Variants in ADK observed in about 807,000 individuals in gnomAD.
The protein encoded by ADK is N6,N6-dimethyladenosine kinase.
A neutral mutation model predicts 44.7 loss-of-function variants in ADK; 24 were observed. That is an observed-to-expected ratio of 0.54 (90% CI 0.39 to 0.76). The LOEUF (loss-of-function observed/expected upper bound fraction) is 0.76. ADK is among the 30% of genes least tolerant of loss of function. The probability of loss-of-function intolerance (pLI) is 0.00; values close to 1 mark genes in which losing one functional copy is unlikely to be tolerated. For synonymous variants in ADK, 128 were observed against 142.6 expected (o/e 0.90, Z 0.73); for missense variants, 321 against 425.1 (o/e 0.76, Z 2.15).
At chr10:74,588,412 T>A (rs1851600120) in intron 7 of ADK, among the ~76,000 whole-genome samples, 1 of 152,204 alleles carries the variant, frequency 6.6e-6, no homozygotes, top group East Asian at 1.9e-4. Context: ...TACATTGACT[T>A]GTTAAAAACA....
chr10:74,625,513 T>G (rs1853160453), intron 9 of ADK, among the ~76,000 whole-genome samples: 1 of 152,176 alleles, frequency 6.6e-6, no homozygotes, highest in Non-Finnish European at 1.5e-5. Flanking sequence ...CAGTTTACCG[T>G]AATTCCATAA....
chr10:74,673,321 T>A (rs1855251285), intron 10 of ADK, among the ~76,000 whole-genome samples: 1 of 152,162 alleles, frequency 6.6e-6, no homozygotes, highest in East Asian at 1.9e-4. Flanking sequence ...ATAAGAGAGT[T>A]ATATGAATCA....
At chr10:74,171,425 T>G (rs1295043082) in intron 1 of ADK, among the ~76,000 whole-genome samples, 1 of 152,234 alleles carries the variant, frequency 6.6e-6, no homozygotes, top group African/African-American at 2.4e-5. Flanking sequence ...ATTTTGGGGC[T>G]TGAAGCATTT....
intron 6 of ADK, among the ~76,000 whole-genome samples, chr10:74,420,428 A>G (rs777799817): frequency 3.3e-5 from 5 of 152,184 alleles, no homozygotes; most frequent in Non-Finnish European, 5.9e-5. Flanking sequence ...TAATTAATGT[A>G]GCAAAATGAA....
intron 4 of ADK, among the ~76,000 whole-genome samples, chr10:74,343,355 A>G (rs543710233): frequency 2.0e-5 from 3 of 152,308 alleles, no homozygotes; most frequent in South Asian, 2.1e-4. Flanking sequence ...CATATTTTAT[A>G]TATGTATCAT....
chr10:74,612,181 C>T (rs1409058656), intron 9 of ADK, among the ~76,000 whole-genome samples: 1 of 152,022 alleles, frequency 6.6e-6, no homozygotes, highest in Non-Finnish European at 1.5e-5. Context: ...ATTATGATAT[C>T]TCATTGTGGT....
In ADK at chr10:74,388,684, GA is replaced by G. The variant is rs1488913334; in HGVS notation, c.274-5456del. The stretch of plus-strand genomic sequence containing the variant: ...TTTGAAAATTTATAGAAATACATTA[GA>G]TTTTTATATATTGATCTTAAAGTCT... On this transcript the variant is annotated intron_variant, in intron 4 of 10. Transcript: ENST00000539909. Among the ~76,000 whole-genome samples, 6 of 152,104 alleles carry G rather than the reference GA, an allele frequency of 3.9e-5. No homozygotes were observed. The South Asian group carries it at 1.2e-3, about 32-fold the overall frequency.
chr10:74,190,981 C>CTTTTTTTT (rs61491732), intron 1 of ADK, among the ~76,000 whole-genome samples: 1 of 134,964 alleles, frequency 7.4e-6, no homozygotes. Context: ...CTATTTTTGA[C>CTTTTTTTT]TTTTTTTTTT....
chr10:74,162,001 GCCTCTTAACCC>G (rs1179181967), intron 1 of ADK, among the ~76,000 whole-genome samples: 1 of 152,020 alleles, frequency 6.6e-6, no homozygotes, highest in Non-Finnish European at 1.5e-5. Flanking sequence ...TGCATGCCTG[GCCTCTTAACCC>G]TTTAAAGATT....
chr10:74,323,689 G>A (rs1379684915), intron 4 of ADK, among the ~76,000 whole-genome samples: 1 of 151,182 alleles, frequency 6.6e-6, no homozygotes, highest in East Asian at 2.0e-4. Context: ...TCCTGCCTCA[G>A]CCTCCCGAGT....
rs112094895 is a variant in ADK at position 74,302,221 on chromosome 10, C to T, written c.195-12446C>T. On this transcript the variant is annotated intron_variant, in intron 3 of 10. Coordinates refer to ENST00000539909, the MANE Select transcript of ADK (RefSeq NM_006721.4). ...TTGGCTCGCTGCAACCCCTACCTCC[C>T]GGGTTCAAGCGATTCTTCCACCTCA... is the stretch of plus-strand genomic sequence containing the variant. 5.3e-3 allele frequency among the ~76,000 whole-genome samples: 779 copies of T among 146,884 alleles called. 13 individuals are homozygous for T. The highest frequency in any genetic ancestry group is 0.018 in the African/African-American group (693 of 39,316).
At chr10:74,176,267 C>T (rs1842334240) in intron 1 of ADK, among the ~76,000 whole-genome samples, 1 of 152,174 alleles carries the variant, frequency 6.6e-6, no homozygotes, top group South Asian at 2.1e-4. Flanking sequence ...GGAATTAGTA[C>T]GTCGTGCTGC....
intron 9 of ADK, among the ~76,000 whole-genome samples, chr10:74,614,045 T>C (rs1334711674): frequency 4.6e-5 from 7 of 152,168 alleles, no homozygotes; most frequent in Admixed American, 4.6e-4. Context: ...TCATGGTCCA[T>C]TTTTAGATTA....
At chr10:74,686,492 C>T (rs1402749336) in intron 10 of ADK, among the ~76,000 whole-genome samples, 1 of 152,154 alleles carries the variant, frequency 6.6e-6, no homozygotes, top group African/African-American at 2.4e-5. Context: ...TCTGGCTTAC[C>T]CTTCCACCCT....
chr10:74,256,186 G>T (rs1230307284), intron 3 of ADK, among the ~76,000 whole-genome samples: 1 of 152,212 alleles, frequency 6.6e-6, no homozygotes, highest in Non-Finnish European at 1.5e-5. Context: ...CTCCCTTGGA[G>T]CATTTTGTAA....
chr10:74,221,346 A>G (rs1410231509), intron 2 of ADK, among the ~76,000 whole-genome samples: 3 of 150,246 alleles, frequency 2.0e-5, no homozygotes, highest in Admixed American at 6.6e-5. Flanking sequence ...GAGAACTACA[A>G]ACCACTGCTC....
chr10:74,279,698 T>C lies in ADK; in HGVS notation c.195-34969T>C, dbSNP rs775730243. On this transcript the variant is annotated intron_variant, in intron 3 of 10. Transcript: ENST00000539909. ...CTAAATAGTGATGTTTCATCTTACC[T>C]CGAATTTTTTTTTTTCATGAGTGAA... Among the ~76,000 whole-genome samples, 158 of 152,142 alleles carry C rather than the reference T, an allele frequency of 1.0e-3. 2 individuals carry two copies. The highest frequency in any genetic ancestry group is 3.8e-4 in the Non-Finnish European group (26 of 68,008).
At chr10:74,265,084 T>C (rs1399279449) in intron 3 of ADK, among the ~76,000 whole-genome samples, 1 of 151,932 alleles carries the variant, frequency 6.6e-6, no homozygotes, top group African/African-American at 2.4e-5. Context: ...GGGATTACAG[T>C]TGTGAGCAAC....
intron 9 of ADK, among the ~76,000 whole-genome samples, chr10:74,612,747 T>A (rs1852603677): frequency 6.6e-6 from 1 of 152,144 alleles, no homozygotes; most frequent in South Asian, 2.1e-4. Flanking sequence ...TTCTAGGATT[T>A]TTATAGTTTG....
Sources: allele counts gnomAD v4.1 joint callset (sites outside exome capture counted in the v4.1 genomes callset), GRCh38; gene constraint gnomAD v4.1.1; transcripts MANE v1.5; gene names NCBI Gene and HGNC (gene_info 2026-07-23, HGNC 2026-07-21).